The following PHACTR1 variants were observed in gnomAD, a reference collection of about 807,000 sequenced individuals.
PHACTR1 encodes phosphatase and actin regulator 1, also known as RPEL repeat containing 1.
Under a neutral mutation model 69.2 loss-of-function variants are expected in PHACTR1, and 16 were observed. That is an observed-to-expected ratio of 0.23 (90% CI 0.16 to 0.35). The LOEUF (loss-of-function observed/expected upper bound fraction) is 0.35, where lower values mean the gene tolerates loss of function less well. Among genes scored for constraint, PHACTR1 ranks in the 10% least tolerant of loss-of-function variants. PHACTR1 has a pLI of 1.00. For missense variants in PHACTR1, 510 were observed against 734.7 expected, an observed-to-expected ratio of 0.69 and a Z score of 3.54; for synonymous variants, 312 against 284.5, an observed-to-expected ratio of 1.10 and a Z score of -0.97.
At chr6:13,138,824 T>G (rs555569522) in intron 5 of PHACTR1, among the ~76,000 whole-genome samples, 1 of 152,354 alleles carries the variant, frequency 6.6e-6, no homozygotes, top group South Asian at 2.1e-4. Context: ...TGTTTCCTTA[T>G]ATACCAAAAA....
chr6:13,065,562 G>A (rs903645228), intron 5 of PHACTR1, among the ~76,000 whole-genome samples: 8 of 152,088 alleles, frequency 5.3e-5, no homozygotes, highest in African/African-American at 1.9e-4. Flanking sequence ...GAGAGGAGAG[G>A]AGGTAGTCAT....
intron 4 of PHACTR1, among the ~76,000 whole-genome samples, chr6:12,791,567 T>C (rs564843299): frequency 6.6e-6 from 1 of 152,350 alleles, no homozygotes; most frequent in South Asian, 2.1e-4. Context: ...GCAGAAATGA[T>C]GCGTGGTGAA....
chr6:12,851,312 A>G (rs934459763), intron 4 of PHACTR1, among the ~76,000 whole-genome samples: 2 of 152,238 alleles, frequency 1.3e-5, no homozygotes, highest in Non-Finnish European at 2.9e-5. Flanking sequence ...ACAGGCGAAC[A>G]TTTAAATAAC....
intron 4 of PHACTR1, among the ~76,000 whole-genome samples, chr6:12,989,349 T>G (rs1305696674): frequency 6.6e-6 from 1 of 152,006 alleles, no homozygotes; most frequent in Non-Finnish European, 1.5e-5. Flanking sequence ...ATGAAGAAAA[T>G]GCTTCAGGGT....
chr6:13,198,298 G>A (rs1935861516), intron 7 of PHACTR1, among the ~76,000 whole-genome samples: 1 of 152,218 alleles, frequency 6.6e-6, no homozygotes, highest in Non-Finnish European at 1.5e-5. Flanking sequence ...AGGCAATGCT[G>A]TGACACAGGG....
At chr6:12,790,315 G>A (rs1333095024) in intron 4 of PHACTR1, among the ~76,000 whole-genome samples, 2 of 152,060 alleles carry the variant, frequency 1.3e-5, no homozygotes, top group Non-Finnish European at 1.5e-5. Flanking sequence ...GGGCCACAAT[G>A]ACCTGTTTCC....
chr6:13,071,531 T>C (rs1809522993), intron 5 of PHACTR1, among the ~76,000 whole-genome samples: 1 of 152,194 alleles, frequency 6.6e-6, no homozygotes, highest in South Asian at 2.1e-4. Context: ...GGACTTTTCC[T>C]GTCAAATCAA....
intron 4 of PHACTR1, among the ~76,000 whole-genome samples, chr6:12,989,780 G>A (rs1246197466): frequency 1.3e-5 from 2 of 152,236 alleles, no homozygotes; most frequent in East Asian, 1.9e-4. Context: ...TGTTCAGGAC[G>A]AAACAGTGAA....
At chr6:12,732,324 C>T (rs1763644920) in intron 3 of PHACTR1, among the ~76,000 whole-genome samples, 1 of 150,562 alleles carries the variant, frequency 6.6e-6, no homozygotes, top group African/African-American at 2.5e-5. Context: ...TTTGGGGGTG[C>T]TGTTTAAGAC....
At chr6:12,943,886 A>G (rs4715000) in intron 4 of PHACTR1, among the ~76,000 whole-genome samples, 46,924 of 152,090 alleles carry the variant, frequency 0.31, 7,641 homozygotes, top group African/African-American at 0.4. Context: ...TGATATTCTA[A>G]ATCTGTAGGC....
At chr6:12,863,230 C>T (rs1339999533) in intron 4 of PHACTR1, among the ~76,000 whole-genome samples, 2 of 152,220 alleles carry the variant, frequency 1.3e-5, no homozygotes, top group Non-Finnish European at 2.9e-5. Context: ...ATATTTATTT[C>T]TCACAGTTCT....
chr6:12,861,424 T>C (rs1780928986), intron 4 of PHACTR1, among the ~76,000 whole-genome samples: 1 of 152,186 alleles, frequency 6.6e-6, no homozygotes, highest in Non-Finnish European at 1.5e-5. Flanking sequence ...GGACATCCCA[T>C]ATATAAACCT....
At chr6:13,284,698 G>T (rs947618729) in intron 13 of PHACTR1, among the ~76,000 whole-genome samples, 1 of 151,374 alleles carries the variant, frequency 6.6e-6, no homozygotes, top group Non-Finnish European at 1.5e-5. Context: ...CCGTTTCAGG[G>T]ACCCAGGGTT....
intron 5 of PHACTR1, among the ~76,000 whole-genome samples, chr6:13,079,017 A>C (rs1330259377): frequency 6.6e-6 from 1 of 152,216 alleles, no homozygotes; most frequent in Non-Finnish European, 1.5e-5. Context: ...TTCTTGGAAA[A>C]TGAATTTTAT....
chr6:13,232,886 C>T (rs988537519), intron 10 of PHACTR1, among the ~76,000 whole-genome samples: 3 of 152,320 alleles, frequency 2.0e-5, no homozygotes, highest in African/African-American at 4.8e-5. Flanking sequence ...CCTCACTTCC[C>T]ATTCCTCCAG....
At chr6:12,852,734 A>C (rs557746076) in intron 4 of PHACTR1, among the ~76,000 whole-genome samples, 1 of 152,314 alleles carries the variant, frequency 6.6e-6, no homozygotes, top group South Asian at 2.1e-4. Flanking sequence ...TGCTGGTAGG[A>C]AATGAAAAAA....
At chr6:12,902,124 A>T (rs1785264654) in intron 4 of PHACTR1, among the ~76,000 whole-genome samples, 1 of 152,126 alleles carries the variant, frequency 6.6e-6, no homozygotes, top group Non-Finnish European at 1.5e-5. Context: ...CAGAACTGAG[A>T]TTAAGAACCT....
At chr6:12,924,737 T>C (rs1358998714) in intron 4 of PHACTR1, among the ~76,000 whole-genome samples, 1 of 146,680 alleles carries the variant, frequency 6.8e-6, no homozygotes, top group African/African-American at 2.6e-5. Context: ...ATCACACCAC[T>C]GCACTCCAGC....
At chr6:13,021,598 A>G (rs115350601) in intron 4 of PHACTR1, among the ~76,000 whole-genome samples, 305 of 152,334 alleles carry the variant, frequency 2.0e-3, no homozygotes, top group African/African-American at 7.2e-3. Context: ...AGGGTCTGCC[A>G]GACTCTTTTC....
Sources: gnomAD v4.1 joint callset for allele counts (sites outside exome capture counted in the v4.1 genomes callset) on GRCh38, gnomAD v4.1.1 for gene constraint, MANE v1.5 for transcripts, NCBI Gene and HGNC (gene_info 2026-07-23, HGNC 2026-07-21) for gene names.